Variants in CENPP observed in about 807,000 individuals in gnomAD.
The protein encoded by CENPP is centromere protein P.
In CENPP, 24 loss-of-function variants were observed where a neutral mutation model predicts 35.6. That is an observed-to-expected ratio of 0.67 (90% confidence interval 0.49 to 0.95). CENPP has a LOEUF of 0.95. Among genes scored for constraint, CENPP ranks in the 40% least tolerant of loss-of-function variants. The pLI, the probability that CENPP is intolerant of heterozygous loss-of-function variation, is 0.00. For missense variants in CENPP, 332 were observed against 345.3 expected (o/e 0.96, Z 0.31); for synonymous variants, 120 against 125.5 (o/e 0.96, Z 0.29).
chr9:92,340,334 T>C (rs1841072698), intron 3 of CENPP: 1 of 152,242 alleles, frequency 6.6e-6, no homozygotes, highest in Admixed American at 6.5e-5. Flanking sequence ...TTGATTGGTA[T>C]GCTCCTTAGT....
intron 5 of CENPP, among the ~76,000 whole-genome samples, chr9:92,595,066 T>C (rs919998988): frequency 1.3e-5 from 2 of 151,882 alleles, no homozygotes; most frequent in African/African-American, 4.8e-5. Flanking sequence ...GCAGCTAATT[T>C]TTTGTATTTT....
intron 4 of CENPP, among the ~76,000 whole-genome samples, chr9:92,357,255 A>G (rs866962018): frequency 4.6e-5 from 7 of 151,230 alleles, no homozygotes; most frequent in Non-Finnish European, 7.4e-5. Context: ...CTAAGAGTCT[A>G]TTTCTTAATA....
rs1258943101 is a variant in CENPP at position 92,337,603 on chromosome 9, C to T, written c.352C>T (p.Leu118Phe). The change falls in exon 3 of 8, where the codon CTT (leucine) becomes TTT (phenylalanine). Residue 118 changes from leucine (L) to phenylalanine (F), a missense_variant. Physicochemically the swap from Leu to Phe is conservative, Grantham distance 22. Coordinates refer to ENST00000375587, the MANE Select transcript of CENPP (RefSeq NM_001012267.3). ...SGNCHMVTFQ[L>F]EFQILEIQNK... Reference sequence around the variant, plus strand: ...AAATTGCCACATGGTTACATTTCAACTTGAATTTCAGATTCTGGAAATTCA... The same window carrying T: ...AAATTGCCACATGGTTACATTTCAATTTGAATTTCAGATTCTGGAAATTCA... 1 of 1,605,508 alleles carries T rather than the reference C, an allele frequency of 6.2e-7. No individual in the cohort carries two copies. The highest frequency in any genetic ancestry group is 1.7e-5 in the Admixed American group (1 of 59,974).
At chr9:92,522,976 CAGT>C (rs1848171116) in intron 5 of CENPP, 1 of 1,300,092 alleles carries the variant, frequency 7.7e-7, no homozygotes, top group Non-Finnish European at 1.0e-6. Context: ...TTGTATGCCT[CAGT>C]AGGCAAGTCT....
At chr9:92,585,440 T>A in intron 5 of CENPP, among the ~76,000 whole-genome samples, 1 of 152,198 alleles carries the variant, frequency 6.6e-6, no homozygotes, top group Non-Finnish European at 1.5e-5. Flanking sequence ...TTAGAATTTG[T>A]TTGTCTGTAC....
chr9:92,570,535 T>C (rs1483009403), intron 5 of CENPP, among the ~76,000 whole-genome samples: 1 of 152,202 alleles, frequency 6.6e-6, no homozygotes, highest in Non-Finnish European at 1.5e-5. Flanking sequence ...TGGTCTAAAA[T>C]GCTCTTTTTT....
At chr9:92,355,568 AC>A in intron 4 of CENPP, among the ~76,000 whole-genome samples, 1 of 152,352 alleles carries the variant, frequency 6.6e-6, no homozygotes, top group East Asian at 1.9e-4. Context: ...ATCTAGCTGA[AC>A]AAATAAGACT....
chr9:92,460,519 G>T, intron 5 of CENPP: 1 of 1,606,750 alleles, frequency 6.2e-7, no homozygotes. Context: ...TTCCACTGTT[G>T]AAATTTTATT....
Position 92,501,035 on chromosome 9 carries a change from A to C in CENPP, c.565-110279A>C. 1 of 1,612,806 alleles carries C rather than the reference A, an allele frequency of 6.2e-7. No individual in the cohort carries two copies. ...CGTGATAGAGCTTGTTGTAGGAGAG[A>C]TCAATGGATTCTAGATTTCTGCAGC... is the stretch of plus-strand genomic sequence containing the variant. On this transcript the variant is annotated intron_variant, in intron 5 of 7. Transcript: ENST00000375587.
At chr9:92,525,194 T>C (rs1848314843) in intron 5 of CENPP, among the ~76,000 whole-genome samples, 2 of 152,140 alleles carry the variant, frequency 1.3e-5, no homozygotes, top group Non-Finnish European at 2.9e-5. Flanking sequence ...GGTGCATACC[T>C]GTAGTCCTAG....
intron 5 of CENPP, among the ~76,000 whole-genome samples, chr9:92,441,298 A>G (rs1844381125): frequency 6.6e-6 from 1 of 152,226 alleles, no homozygotes; most frequent in Non-Finnish European, 1.5e-5. Flanking sequence ...ACTAATTTAT[A>G]GGAAATGCAG....
intron 5 of CENPP, among the ~76,000 whole-genome samples, chr9:92,599,542 G>A (rs559971269): frequency 1.3e-5 from 2 of 152,168 alleles, no homozygotes; most frequent in South Asian, 4.2e-4. Flanking sequence ...TCAACCTCCT[G>A]AATAGCTGGG....
chr9:92,471,245 G>A (rs976683654), intron 5 of CENPP, among the ~76,000 whole-genome samples: 1 of 149,904 alleles, frequency 6.7e-6, no homozygotes, highest in East Asian at 2.0e-4. Context: ...TGCCCAGGCT[G>A]GAGTGCAGTG....
intron 5 of CENPP, among the ~76,000 whole-genome samples, chr9:92,488,563 G>A (rs1384682937): frequency 2.0e-5 from 3 of 152,100 alleles, no homozygotes; most frequent in Non-Finnish European, 4.4e-5. Flanking sequence ...AAATAGTTAA[G>A]AACTGCTGCC....
At chr9:92,508,909 C>T (rs1847169529) in intron 5 of CENPP, among the ~76,000 whole-genome samples, 1 of 151,952 alleles carries the variant, frequency 6.6e-6, no homozygotes. Flanking sequence ...GTGTTGAGCA[C>T]TGTACCTCAA....
chr9:92,531,125 T>G (rs1157861115), intron 5 of CENPP, among the ~76,000 whole-genome samples: 1 of 152,214 alleles, frequency 6.6e-6, no homozygotes, highest in African/African-American at 2.4e-5. Context: ...TTATATTTAA[T>G]GTAAAATTTA....
At chr9:92,358,584 CT>C (rs1404564825) in intron 4 of CENPP, among the ~76,000 whole-genome samples, 2 of 152,046 alleles carry the variant, frequency 1.3e-5, no homozygotes, top group Admixed American at 6.6e-5. Flanking sequence ...ATTCTTTTTT[CT>C]TTTTATTTCT....
At chr9:92,590,590 T>C (rs1294046578) in intron 5 of CENPP, among the ~76,000 whole-genome samples, 1 of 152,226 alleles carries the variant, frequency 6.6e-6, no homozygotes, top group Non-Finnish European at 1.5e-5. Flanking sequence ...ACAGTTGTTA[T>C]GCAAGCTTCC....
Position 92,614,069 on chromosome 9 carries a change from C to A in CENPP, c.*920C>A, listed in dbSNP as rs1033750272. On this transcript the variant is annotated 3_prime_UTR_variant, in exon 8 of 8. Coordinates refer to ENST00000375587, the MANE Select transcript of CENPP (RefSeq NM_001012267.3). ...GAGTGGGGGTCTCCATCTGTTTTCTCTTCTCCCTCAAATACAGGCTGTTTT... is the reference window on the plus strand; with the variant it reads ...GAGTGGGGGTCTCCATCTGTTTTCTATTCTCCCTCAAATACAGGCTGTTTT... 6.6e-6 allele frequency: 1 copy of A among 152,308 alleles called. No homozygotes were observed. Among genetic ancestry groups the A allele is most frequent in the Non-Finnish European group, 1.5e-5 (1 of 68,110 alleles). 9.4% of individuals were successfully genotyped at this position (152,308 alleles called of 1,614,324 possible).
Sources: gnomAD v4.1 joint callset for allele counts (sites outside exome capture counted in the v4.1 genomes callset) on GRCh38, gnomAD v4.1.1 for gene constraint, MANE v1.5 for transcripts, NCBI Gene and HGNC (gene_info 2026-07-23, HGNC 2026-07-21) for gene names.